The following TRIM67 variants were observed in gnomAD, a reference collection of about 807,000 sequenced individuals.
The protein encoded by TRIM67 is tripartite motif containing 67, also known as tripartite motif-containing protein 67.
A neutral mutation model predicts 71.0 loss-of-function variants in TRIM67; 39 were observed. The observed-to-expected ratio is 0.55, with a 90% confidence interval of 0.43 to 0.72. The LOEUF is 0.72. Ranked by LOEUF, TRIM67 falls within the 30% of genes least tolerant of loss-of-function variation. The pLI is 0.00. For synonymous variants in TRIM67, 481 were observed against 473.9 expected (o/e 1.01, Z -0.19); for missense variants, 973 against 1,079.2 (o/e 0.90, Z 1.38).
At chr1:231,202,165 T>TAGAGGAGGG (rs1683562510) in intron 5 of TRIM67, among the ~76,000 whole-genome samples, 1 of 3,302 alleles carries the variant, frequency 3.0e-4, no homozygotes, top group Non-Finnish European at 6.3e-4. Flanking sequence ...GAGGAGGAGG[T>TAGAGGAGGG]AGTGGAGGAG....
In TRIM67 at chr1:231,218,169, C is replaced by A; in HGVS notation, c.*2729C>A. ...GAAGGAACTTATCAATTCCTCATGG[C>A]CAGGAAGGTCCCGGGTTTCAGAGTA... On this transcript the variant is annotated 3_prime_UTR_variant, in exon 10 of 10. Transcript: ENST00000366653. The A allele has an allele frequency of 9.7e-7, 1 of 1,028,052 alleles. No homozygotes were observed. Among genetic ancestry groups the A allele is most frequent in the East Asian group, 8.9e-5 (1 of 11,270 alleles). The allele number at this position is 1,028,052 out of a possible 1,614,324, so 63.7% of individuals were successfully genotyped here. A position where few individuals can be genotyped will look rare whatever the true frequency, so the allele number is the denominator to read the frequency against.
At chr1:231,184,997 C>A in intron 1 of TRIM67, 1 of 1,531,422 alleles carries the variant, frequency 6.5e-7, no homozygotes, top group Non-Finnish European at 8.7e-7. Context: ...AATGGGTGGC[C>A]GGCAGGTTGG....
At position 231,163,159 on chromosome 1, in the gene TRIM67, G is replaced by C; in HGVS notation, c.190G>C (p.Ala64Pro). 2 of 1,508,204 alleles carry C rather than the reference G, an allele frequency of 1.3e-6. No individual in the cohort carries two copies. The highest frequency in any genetic ancestry group is 2.7e-5 in the East Asian group (1 of 36,992). The allele number at this position is 1,508,204 out of a possible 1,614,324, so 93.4% of individuals were successfully genotyped here. A position where few individuals can be genotyped will look rare whatever the true frequency, so the allele number is the denominator to read the frequency against. Residue 64 changes from alanine to proline, a missense_variant, in exon 1 of 10, where the codon GCT (alanine) becomes CCT (proline). Ala to Pro is a conservative substitution (Grantham distance 27). Around this residue, in one of 2 missense-constraint regions of TRIM67, gnomAD observed 795 missense variants for 831.3 expected, o/e 0.96. Coordinates refer to ENST00000366653, the MANE Select transcript of TRIM67 (RefSeq NM_001004342.5). ...GGGGCTGCAGGCGGGCGCCGCCGCC[G>C]CTGCCTCTCTGGAGCACGACGCTGC... ...GSGLQAGAAAAASLEHDAAAG... is the reference protein window; with the variant it reads ...GSGLQAGAAAPASLEHDAAAG...
At chr1:231,208,850 C>A in intron 7 of TRIM67, 97 bp from the exon 8 acceptor site, 2 of 1,288,648 alleles carry the variant, frequency 1.6e-6, no homozygotes, top group Non-Finnish European at 2.2e-6. Flanking sequence ...TGCCGACTTT[C>A]TAACAGAAGC....
intron 1 of TRIM67, among the ~76,000 whole-genome samples, chr1:231,187,973 C>T (rs1683131682): frequency 6.6e-6 from 1 of 152,192 alleles, no homozygotes; most frequent in Non-Finnish European, 1.5e-5. Flanking sequence ...CTTTCGTGTT[C>T]TCTCCCAGAG....
intron 1 of TRIM67, among the ~76,000 whole-genome samples, chr1:231,170,529 A>G (rs1164333955): frequency 6.6e-6 from 1 of 152,176 alleles, no homozygotes; most frequent in Non-Finnish European, 1.5e-5. Flanking sequence ...CTGTGTCGTT[A>G]AGGTATTGTT....
intron 8 of TRIM67, among the ~76,000 whole-genome samples, chr1:231,211,714 C>T (rs1363559443): frequency 6.6e-6 from 1 of 152,198 alleles, no homozygotes; most frequent in Non-Finnish European, 1.5e-5. Context: ...CAGATCAACT[C>T]ATTATCAATC....
chr1:231,185,704 A>T (rs1166625484), intron 1 of TRIM67, among the ~76,000 whole-genome samples: 1 of 151,930 alleles, frequency 6.6e-6, no homozygotes, highest in Non-Finnish European at 1.5e-5. Context: ...GGACACAAAG[A>T]TGATTGAACG....
chr1:231,218,744 C>T lies in TRIM67; in HGVS notation c.*3304C>T, dbSNP rs1684074176. On this transcript the variant is annotated 3_prime_UTR_variant, in exon 10 of 10. Transcript: ENST00000366653. ...ATGTACTTTGTAGTTGCAACAGCGC[C>T]CTAGGTGCCCTATGGCCCACCAAGT... The T allele has an allele frequency of 9.1e-6, 9 of 985,476 alleles. No individual in the cohort carries two copies. Among genetic ancestry groups the T allele is most frequent in the Non-Finnish European group, 1.1e-5 (9 of 829,964 alleles). 61.0% of individuals were successfully genotyped at this position (985,476 alleles called of 1,614,324 possible). A position where few individuals can be genotyped will look rare whatever the true frequency, so the allele number is the denominator to read the frequency against.
chr1:231,172,469 A>C (rs939865529), intron 1 of TRIM67, among the ~76,000 whole-genome samples: 1 of 152,218 alleles, frequency 6.6e-6, no homozygotes. Context: ...ATATGGCTAC[A>C]GTGGCTACAG....
In TRIM67 at chr1:231,218,154, A is replaced by G. The variant is rs372078744; in HGVS notation, c.*2714A>G. On this transcript the variant is annotated 3_prime_UTR_variant, in exon 10 of 10. Coordinates refer to ENST00000366653, the MANE Select transcript of TRIM67 (RefSeq NM_001004342.5). The stretch of plus-strand genomic sequence containing the variant: ...GATCAGAAAAGTGAAGAAGGAACTT[A>G]TCAATTCCTCATGGCCAGGAAGGTC... 8.6e-6 allele frequency: 9 copies of G among 1,042,328 alleles called. No homozygotes were observed. The African/African-American group carries it at 1.2e-4, about 13-fold the overall frequency. The allele number at this position is 1,042,328 out of a possible 1,614,324, so 64.6% of individuals were successfully genotyped here.
rs1305974619 is a variant in TRIM67 at position 231,208,936 on chromosome 1, T to G, written c.1820-11T>G. ...CCCTGACCCTGCTCCTCTCACCTCC[T>G]CCCTTTTTAGTGGCCTGGTTCACAT... is the stretch of plus-strand genomic sequence containing the variant. On this transcript the variant is annotated splice_polypyrimidine_tract_variant and intron_variant, in intron 7 of 9. Coordinates refer to ENST00000366653, the MANE Select transcript of TRIM67 (RefSeq NM_001004342.5). 6.4e-6 allele frequency: 10 copies of G among 1,563,124 alleles called. No individual in the cohort carries two copies. Among genetic ancestry groups the G allele is most frequent in the Non-Finnish European group, 7.8e-6 (9 of 1,147,764 alleles).
Position 231,219,220 on chromosome 1 carries a change from A to T in TRIM67, c.*3780A>T. On this transcript the variant is annotated 3_prime_UTR_variant, in exon 10 of 10. Transcript: ENST00000366653. ...ACTGACATTTTGCGATAGGTTCTGT[A>T]TGCCGTAGGATGTTTAGCAACATCC... 1 of 984,662 alleles carries T rather than the reference A, an allele frequency of 1.0e-6. No homozygotes were observed. The highest frequency in any genetic ancestry group is 1.2e-6 in the Non-Finnish European group (1 of 829,258). 61.0% of individuals were successfully genotyped at this position (984,662 alleles called of 1,614,324 possible). A position where few individuals can be genotyped will look rare whatever the true frequency, so the allele number is the denominator to read the frequency against.
At chr1:231,176,892 C>CA (rs1682762192) in intron 1 of TRIM67, among the ~76,000 whole-genome samples, 2 of 89,382 alleles carry the variant, frequency 2.2e-5, no homozygotes, top group African/African-American at 1.2e-4. Context: ...ACCCTGTTTG[C>CA]CAATACAATC....
chr1:231,205,053 C>T (rs575606186), intron 6 of TRIM67, among the ~76,000 whole-genome samples: 1 of 152,208 alleles, frequency 6.6e-6, no homozygotes, highest in South Asian at 2.1e-4. Flanking sequence ...TGAAAGAGCT[C>T]GTCCACCCGA....
chr1:231,181,294 G>T (rs1262499767), intron 1 of TRIM67, among the ~76,000 whole-genome samples: 1 of 152,188 alleles, frequency 6.6e-6, no homozygotes, highest in Non-Finnish European at 1.5e-5. Context: ...GGGTGTGTTT[G>T]GGCTGTAGCT....
At position 231,218,665 on chromosome 1, in the gene TRIM67, T is replaced by C. The variant is rs763520548; in HGVS notation, c.*3225T>C. 5 of 985,442 alleles carry C rather than the reference T, an allele frequency of 5.1e-6. No homozygotes were observed. Among genetic ancestry groups the C allele is most frequent in the Non-Finnish European group, 6.0e-6 (5 of 829,924 alleles). 61.0% of individuals were successfully genotyped at this position (985,442 alleles called of 1,614,324 possible). A position where few individuals can be genotyped will look rare whatever the true frequency, so the allele number is the denominator to read the frequency against. On this transcript the variant is annotated 3_prime_UTR_variant, in exon 10 of 10. Transcript: ENST00000366653. The stretch of plus-strand genomic sequence containing the variant: ...CAGTAATACTGACCCACAAGGTAAC[T>C]GACCTAAACACTATAAAACTGTATA...
intron 1 of TRIM67, among the ~76,000 whole-genome samples, chr1:231,189,584 C>T (rs1683180466): frequency 1.3e-5 from 2 of 152,146 alleles, no homozygotes; most frequent in African/African-American, 4.8e-5. Context: ...AAGGAATGTA[C>T]TTCTCACAGT....
rs1684028046 is a variant in TRIM67, at chr1:231,216,951, T to C, written c.*1511T>C. 1 of 985,662 alleles carries C rather than the reference T, an allele frequency of 1.0e-6. No individual in the cohort carries two copies. The highest frequency in any genetic ancestry group is 1.7e-5 in the African/African-American group (1 of 57,248). The allele number at this position is 985,662 out of a possible 1,614,324, so 61.1% of individuals were successfully genotyped here. On this transcript the variant is annotated 3_prime_UTR_variant, in exon 10 of 10. Coordinates refer to ENST00000366653, the MANE Select transcript of TRIM67 (RefSeq NM_001004342.5). ...AAAAGAATATATTTTGTCAAGCATT[T>C]TATTTCTGAGGCTGAGAAGTGACTT...
Sources: allele counts gnomAD v4.1 joint callset (sites outside exome capture counted in the v4.1 genomes callset), GRCh38; gene constraint gnomAD v4.1.1; regional missense constraint gnomAD v4.1.1; transcripts MANE v1.5; gene names NCBI Gene and HGNC (gene_info 2026-07-23, HGNC 2026-07-21).